PRH1: variants seen among roughly 807,000 people sequenced by gnomAD.
PRH1 encodes the protein salivary acidic proline-rich phosphoprotein 1/2.
PRH1 carries 7 observed loss-of-function variants against 7.9 expected under a neutral mutation model. That is an observed-to-expected ratio of 0.89 (90% CI 0.50 to 1.67). The LOEUF (loss-of-function observed/expected upper bound fraction) is 1.67, where lower values mean the gene tolerates loss of function less well. Among genes scored for constraint, PRH1 ranks in the 40% most tolerant of loss-of-function variants. PRH1 has a pLI of 0.00. For synonymous variants in PRH1, 45 were observed against 80.8 expected (o/e 0.56, Z 2.38); for missense variants, 109 against 223.6 (o/e 0.49, Z 3.27).
intron 1 of PRH1, chr12:11,159,376 A>G (rs1308216583): frequency 6.6e-6 from 1 of 151,148 alleles, no homozygotes; most frequent in African/African-American, 2.4e-5. Flanking sequence ...TTAAGCAAGT[A>G]GAAAATGCTT....
At chr12:10,905,876 A>G (rs1353275922) in intron 2 of PRH1, among the ~76,000 whole-genome samples, 1 of 152,148 alleles carries the variant, frequency 6.6e-6, no homozygotes, top group Non-Finnish European at 1.5e-5. Flanking sequence ...AACTAACACT[A>G]CTAAGTGATA....
intron 1 of PRH1, among the ~76,000 whole-genome samples, 184 bp downstream of exon 1, chr12:10,883,970 A>T (rs76845404): frequency 0.031 from 4,703 of 152,194 alleles, 239 homozygotes; most frequent in African/African-American, 0.11. Flanking sequence ...CTATTTGTGC[A>T]ACAAATAAAC....
chr12:11,154,580 T>C (rs2136436317), intron 1 of PRH1, among the ~76,000 whole-genome samples: 1 of 152,242 alleles, frequency 6.6e-6, no homozygotes, highest in East Asian at 1.9e-4. Context: ...GGCCAGAACT[T>C]CACTGTGAAC....
chr12:11,067,188 T>C (rs1379956170), intron 1 of PRH1, among the ~76,000 whole-genome samples: 1 of 152,058 alleles, frequency 6.6e-6, no homozygotes, highest in African/African-American at 2.4e-5. Flanking sequence ...CTTAACAAAT[T>C]TGCCTTTCTA....
At chr12:10,950,278 AT>A (rs1950550359) in intron 2 of PRH1, among the ~76,000 whole-genome samples, 1 of 152,138 alleles carries the variant, frequency 6.6e-6, no homozygotes, top group Non-Finnish European at 1.5e-5. Context: ...CTCCATCATA[AT>A]CAGATTATGT....
intron 1 of PRH1, among the ~76,000 whole-genome samples, chr12:11,154,585 G>A (rs1306603901): frequency 6.6e-6 from 1 of 152,190 alleles, no homozygotes; most frequent in Non-Finnish European, 1.5e-5. Context: ...GAACTTCACT[G>A]TGAACAAAGG....
chr12:10,885,296 T>C (rs556273574), upstream of PRH1, among the ~76,000 whole-genome samples: 10 of 152,380 alleles, frequency 6.6e-5, no homozygotes, highest in South Asian at 2.1e-3. Flanking sequence ...TTATCTGTAA[T>C]ATTCCAATAC....
At chr12:11,050,650 ACAGT>A (rs757400342), upstream of PRH1, among the ~76,000 whole-genome samples, 53 of 152,278 alleles carry the variant, frequency 3.5e-4, no homozygotes, top group Non-Finnish European at 2.1e-4. Context: ...TTTAATTAAA[ACAGT>A]CAGCAATTTT....
chr12:11,024,440 T>C (rs1941809700), intron 1 of PRH1, among the ~76,000 whole-genome samples: 2 of 152,262 alleles, frequency 1.3e-5, no homozygotes, highest in Admixed American at 6.5e-5. Flanking sequence ...TAATTTATGA[T>C]GGTCTTTTTT....
intron 2 of PRH1, among the ~76,000 whole-genome samples, chr12:10,970,566 T>C (rs569060558): frequency 4.1e-4 from 62 of 151,710 alleles, no homozygotes; most frequent in Non-Finnish European, 5.3e-4. Context: ...TTTTTTTGTT[T>C]TTTTTTTTCG....
In PRH1 at chr12:11,168,279, AGAAAGAAAGAAAGAAAGAAAGAAG is replaced by A. The variant is rs1565725606; in HGVS notation, n.39+3119_39+3142del. Among the ~76,000 whole-genome samples, 22 of 33,386 alleles carry A rather than the reference AGAAAGAAAGAAAGAAAGAAAGAAG, an allele frequency of 6.6e-4. 4 individuals carry two copies. The highest frequency in any genetic ancestry group is 5.0e-3 in the East Asian group (5 of 998). 21.9% of individuals were successfully genotyped at this position (33,386 alleles called of 152,430 possible). A position where few individuals can be genotyped will look rare whatever the true frequency, so the allele number is the denominator to read the frequency against. On this transcript the variant is annotated intron_variant and non_coding_transcript_variant, in intron 1 of 1. Transcript: ENST00000541175. Reference sequence around the variant, plus strand: ...AAGAAAGAAAGAAAGAAAGAAAGAAAGAAAGAAAGAAAGAAAGAAAGAAGGAAGGAAGGAAGGAAGGAAGGAAGG... The same window carrying A: ...AAGAAAGAAAGAAAGAAAGAAAGAAAGAAGGAAGGAAGGAAGGAAGGAAGG...
intron 1 of PRH1, chr12:11,091,704 T>C (rs200422162): frequency 0.034 from 32,026 of 955,840 alleles, 11,829 homozygotes; most frequent in Admixed American, 0.079. Context: ...ACAGTCATAT[T>C]TGAAAAGTAC....
At chr12:11,055,463 T>TGTTCCTTTTAA (rs1943326368) in intron 1 of PRH1, among the ~76,000 whole-genome samples, 1 of 152,300 alleles carries the variant, frequency 6.6e-6, no homozygotes, top group African/African-American at 2.4e-5. Flanking sequence ...GTAATGTTCT[T>TGTTCCTTTTAA]GTTCCTTTTA....
chr12:10,903,646 C>T (rs1416981917), intron 2 of PRH1, among the ~76,000 whole-genome samples: 1 of 151,808 alleles, frequency 6.6e-6, no homozygotes, highest in Non-Finnish European at 1.5e-5. Flanking sequence ...CCCATCACTC[C>T]TATTCAACAT....
chr12:10,923,129 T>C (rs1442185895), intron 2 of PRH1, among the ~76,000 whole-genome samples: 5 of 130,694 alleles, frequency 3.8e-5, no homozygotes, highest in Admixed American at 7.5e-5. Flanking sequence ...CGCCCGGCCC[T>C]TTTTTTTTTT....
chr12:11,159,097 C>A, intron 1 of PRH1: 1 of 152,146 alleles, frequency 6.6e-6, no homozygotes, highest in South Asian at 2.1e-4. Flanking sequence ...TGGTGTGTCT[C>A]ACTAAGGATA....
chr12:11,038,965 A>C (rs1221400718), intron 1 of PRH1, among the ~76,000 whole-genome samples: 1 of 152,226 alleles, frequency 6.6e-6, no homozygotes, highest in Non-Finnish European at 1.5e-5. Context: ...TATACTGGAG[A>C]TATTTCCTTT....
chr12:11,022,822 T>C (rs1266945699), intron 1 of PRH1, among the ~76,000 whole-genome samples: 1 of 152,090 alleles, frequency 6.6e-6, no homozygotes, highest in Non-Finnish European at 1.5e-5. Context: ...ATACATTCTC[T>C]CCTTGCTATA....
Position 10,882,247 on chromosome 12 carries a change from C to G in PRH1, c.552G>C (p.Gln184His). 6.2e-7 allele frequency: 1 copy of G among 1,613,650 alleles called. No homozygotes were observed. The highest frequency in any genetic ancestry group is 8.5e-7 in the Non-Finnish European group (1 of 1,179,888). The change falls in exon 3 of 4, where the codon CAG becomes CAC. Residue 184 changes from glutamine to histidine, a missense_variant. Transcript: ENST00000543626. ...GGRPQGPPQG[Q>H]SPQ The stretch of plus-strand genomic sequence containing the variant: ...ATTGAATCCTAGATTACTGAGGAGA[C>G]TGCCCCTGTGGAGGTCCTTGTGGGC...
Sources: gnomAD v4.1 joint callset for allele counts (sites outside exome capture counted in the v4.1 genomes callset) on GRCh38, gnomAD v4.1.1 for gene constraint, MANE v1.5 for transcripts, NCBI Gene and HGNC (gene_info 2026-07-23, HGNC 2026-07-21) for gene names.